Variants in PARVB observed in about 807,000 individuals in gnomAD.
PARVB encodes the protein beta-parvin.
Under a neutral mutation model 47.0 loss-of-function variants are expected in PARVB, and 46 were observed. The ratio of observed to expected loss-of-function variants is 0.98; its 90% CI spans 0.77 to 1.25. PARVB has a LOEUF of 1.25. Ranked by LOEUF, PARVB falls within the 50% of genes most tolerant of loss-of-function variation. The probability of loss-of-function intolerance (pLI) is 0.00; values close to 1 mark genes in which losing one functional copy is unlikely to be tolerated. For synonymous variants in PARVB, 196 were observed against 196.3 expected, an observed-to-expected ratio of 1.00 and a Z score of 0.01; for missense variants, 473 against 471.6, an observed-to-expected ratio of 1.00 and a Z score of -0.03.
chr22:44,026,849 A>AGGCGGGGGGGG (rs2050739376), intron 1 of PARVB, among the ~76,000 whole-genome samples: 2 of 146,706 alleles, frequency 1.4e-5, no homozygotes, highest in African/African-American at 2.6e-5. Context: ...AGCTGGGGGA[A>AGGCGGGGGGGG]GGGGCGGGCT....
intron 3 of PARVB, chr22:44,106,536 G>A (rs909142536): frequency 1.3e-5 from 2 of 152,148 alleles, no homozygotes; most frequent in Admixed American, 1.3e-4. Context: ...AGACAGATCT[G>A]GCTGACATCC....
At chr22:44,026,369 C>T in intron 1 of PARVB, 1 of 985,444 alleles carries the variant, frequency 1.0e-6, no homozygotes. Flanking sequence ...ATGCTGCTTT[C>T]GCTGGGGGTG....
At chr22:44,141,506 G>A (rs1016200087) in intron 8 of PARVB, 3 of 152,214 alleles carry the variant, frequency 2.0e-5, no homozygotes, top group African/African-American at 7.2e-5. Context: ...TGGCTGTGCT[G>A]GCAGCTGATT....
intron 12 of PARVB, 136 bp from the exon 13 acceptor site, chr22:44,168,466 G>A (rs1247937061): frequency 1.5e-6 from 1 of 666,668 alleles, no homozygotes; most frequent in Non-Finnish European, 2.8e-6. Flanking sequence ...GGACATGGTG[G>A]TGGCCAGTCT....
At chr22:44,062,906 A>T (rs2051446720) in intron 1 of PARVB, among the ~76,000 whole-genome samples, 1 of 152,034 alleles carries the variant, frequency 6.6e-6, no homozygotes, top group South Asian at 2.1e-4. Context: ...ATGTCTGGTT[A>T]TTAGTTCAAT....
intron 9 of PARVB, chr22:44,149,556 CG>C (rs1205406455): frequency 3.3e-5 from 5 of 152,336 alleles, no homozygotes; most frequent in African/African-American, 1.2e-4. Context: ...GGTGCCCACT[CG>C]GCTCACTCTC....
chr22:44,116,311 C>T (rs913993645), intron 3 of PARVB: 1 of 152,262 alleles, frequency 6.6e-6, no homozygotes, highest in African/African-American at 2.4e-5. Context: ...GGGGCACACC[C>T]ATCTGCACAC....
intron 4 of PARVB, among the ~76,000 whole-genome samples, chr22:44,120,236 G>T (rs1212533806): frequency 2.6e-5 from 4 of 152,354 alleles, no homozygotes; most frequent in East Asian, 3.9e-4. Context: ...AGCCCTGGGG[G>T]TCTGGCTGAA....
At chr22:44,160,942 A>G (rs1267192789) in intron 11 of PARVB, among the ~76,000 whole-genome samples, 2 of 152,194 alleles carry the variant, frequency 1.3e-5, no homozygotes, top group African/African-American at 4.8e-5. Flanking sequence ...TCAGCGTGGA[A>G]GAGGATTCCT....
chr22:44,029,508 G>A (rs1366048922), intron 1 of PARVB, among the ~76,000 whole-genome samples: 2 of 152,156 alleles, frequency 1.3e-5, no homozygotes, highest in Non-Finnish European at 2.9e-5. Flanking sequence ...GAAATCACTA[G>A]GCCAGACACA....
chr22:44,083,698 G>T (rs1365092412), intron 1 of PARVB, among the ~76,000 whole-genome samples: 1 of 152,148 alleles, frequency 6.6e-6, no homozygotes, highest in East Asian at 1.9e-4. Context: ...GATGAGTGTG[G>T]AAGCATGGTA....
intron 1 of PARVB, among the ~76,000 whole-genome samples, chr22:44,056,583 A>G (rs530857653): frequency 2.0e-5 from 3 of 152,098 alleles, no homozygotes; most frequent in Admixed American, 6.5e-5. Context: ...ACGGCTCACT[A>G]TAGCCTCGAC....
chr22:44,025,777 A>T (rs557212759), intron 1 of PARVB, among the ~76,000 whole-genome samples: 1 of 152,178 alleles, frequency 6.6e-6, no homozygotes, highest in African/African-American at 2.4e-5. Flanking sequence ...ACCAGAAATC[A>T]TTTCGGTTCC....
At chr22:44,168,499 G>T (rs2054222330) in intron 12 of PARVB, 103 bp from the exon 13 acceptor site, 5 of 782,134 alleles carry the variant, frequency 6.4e-6, no homozygotes, top group Non-Finnish European at 1.1e-5. Context: ...GCTGTGTGTG[G>T]ATGCGGCAGC....
chr22:44,156,465 G>A (rs2053936739), intron 10 of PARVB, among the ~76,000 whole-genome samples: 1 of 152,056 alleles, frequency 6.6e-6, no homozygotes, highest in Admixed American at 6.6e-5. Context: ...TTTTACTAGA[G>A]ACGGGGTTTC....
intron 1 of PARVB, among the ~76,000 whole-genome samples, chr22:44,071,097 T>A (rs1368925682): frequency 1.3e-5 from 2 of 152,052 alleles, no homozygotes; most frequent in Non-Finnish European, 2.9e-5. Flanking sequence ...CTGGGGCCAG[T>A]GTGGGGTGTG....
At chr22:44,126,630 G>A (rs2147146079) in intron 4 of PARVB, among the ~76,000 whole-genome samples, 1 of 152,330 alleles carries the variant, frequency 6.6e-6, no homozygotes, top group African/African-American at 2.4e-5. Context: ...GATCTTGGAT[G>A]TGAAGATTGG....
chr22:44,048,833 T>C (rs1383492755), intron 1 of PARVB, among the ~76,000 whole-genome samples: 2 of 152,176 alleles, frequency 1.3e-5, no homozygotes, highest in Non-Finnish European at 2.9e-5. Context: ...GTGCTGGGAT[T>C]ACAGGCATGA....
At chr22:44,005,780 G>C (rs887771946) in intron 2 of PARVB, among the ~76,000 whole-genome samples, 11 of 152,286 alleles carry the variant, frequency 7.2e-5, no homozygotes, top group Admixed American at 3.3e-4. Context: ...ATTTACATCG[G>C]TTGTAATCAA....
Sources: gnomAD v4.1 joint callset for allele counts (sites outside exome capture counted in the v4.1 genomes callset) on GRCh38, gnomAD v4.1.1 for gene constraint, MANE v1.5 for transcripts, NCBI Gene and HGNC (gene_info 2026-07-23, HGNC 2026-07-21) for gene names.